The following TEX36 variants were observed in gnomAD, a reference collection of about 807,000 sequenced individuals.
TEX36 encodes the protein testis expressed 36, also known as testis-expressed protein 36.
In TEX36, 12 loss-of-function variants were observed where a neutral mutation model predicts 13.6. The ratio of observed to expected loss-of-function variants is 0.88; its 90% CI spans 0.56 to 1.43. TEX36 has a LOEUF of 1.43. Among genes scored for constraint, TEX36 ranks in the 40% most tolerant of loss-of-function variants. The probability of loss-of-function intolerance (pLI) is 0.00; values close to 1 mark genes in which losing one functional copy is unlikely to be tolerated. For synonymous variants in TEX36, 93 were observed against 83.0 expected, an observed-to-expected ratio of 1.12 and a Z score of -0.65; for missense variants, 224 against 228.3, an observed-to-expected ratio of 0.98 and a Z score of 0.12.
At chr10:125,593,618 T>C (rs1316264456) in intron 3 of TEX36, among the ~76,000 whole-genome samples, 1 of 152,246 alleles carries the variant, frequency 6.6e-6, no homozygotes, top group African/African-American at 2.4e-5. Context: ...GGTTAGCTCT[T>C]ATTAAATGTT....
intron 1 of TEX36, among the ~76,000 whole-genome samples, chr10:125,662,874 G>T (rs1299515541): frequency 6.6e-6 from 1 of 152,188 alleles, no homozygotes; most frequent in Non-Finnish European, 1.5e-5. Context: ...GGGGGGTGTG[G>T]CTAGCTCTTA....
At chr10:125,674,588 C>T (rs1410547075) in intron 1 of TEX36, among the ~76,000 whole-genome samples, 1 of 152,180 alleles carries the variant, frequency 6.6e-6, no homozygotes, top group African/African-American at 2.4e-5. Flanking sequence ...AGGCTGCTGA[C>T]CTTTGGATGG....
intron 3 of TEX36, among the ~76,000 whole-genome samples, chr10:125,657,803 A>G (rs1013595461): frequency 6.6e-6 from 1 of 152,202 alleles, no homozygotes; most frequent in African/African-American, 2.4e-5. Context: ...CAGCCCTGGA[A>G]CAGGAAGTGA....
rs1846203029 is a variant in TEX36, at chr10:125,605,379, C to G, written c.265-28505G>C. On this transcript the variant is annotated intron_variant, in intron 3 of 3. Coordinates refer to the TEX36 transcript ENST00000532135. Reference sequence around the variant, plus strand: ...GTTAATCTCCATACACAGCATAGTGCAGCAATGTGGTCAGTTAATCTCCAC... The same window carrying G: ...GTTAATCTCCATACACAGCATAGTGGAGCAATGTGGTCAGTTAATCTCCAC... Among the ~76,000 whole-genome samples, 5 of 151,912 alleles carry G rather than the reference C, an allele frequency of 3.3e-5. No individual in the cohort carries two copies. In the South Asian group the frequency reaches 1.0e-3, roughly 32 times the overall value.
chr10:125,584,277 C>A (rs1386645309), intron 3 of TEX36, among the ~76,000 whole-genome samples: 1 of 152,238 alleles, frequency 6.6e-6, no homozygotes, highest in Non-Finnish European at 1.5e-5. Flanking sequence ...AAACTGTCCA[C>A]AAATAAAATG....
chr10:125,649,474 C>T (rs1210226642), intron 3 of TEX36, among the ~76,000 whole-genome samples: 1 of 152,212 alleles, frequency 6.6e-6, no homozygotes, highest in Non-Finnish European at 1.5e-5. Flanking sequence ...CACCACCAGG[C>T]CTGCCTTACA....
At chr10:125,636,372 A>ATT (rs1173411320) in intron 3 of TEX36, among the ~76,000 whole-genome samples, 8,323 of 142,592 alleles carry the variant, frequency 0.058, 751 homozygotes, top group African/African-American at 0.2. Context: ...CACCCGGCTA[A>ATT]TTTTTTTTTT....
chr10:125,619,016 G>T (rs988239034), downstream of TEX36, among the ~76,000 whole-genome samples: 2 of 148,458 alleles, frequency 1.3e-5, no homozygotes, highest in African/African-American at 5.0e-5. Flanking sequence ...TGTAGTCTCA[G>T]CTACTTGGGA....
chr10:125,683,118 C>G lies in TEX36; in HGVS notation c.-129G>C. 9.4e-7 allele frequency: 1 copy of G among 1,068,650 alleles called. No homozygotes were observed. The highest frequency in any genetic ancestry group is 1.4e-6 in the Non-Finnish European group (1 of 711,876). 66.2% of individuals were successfully genotyped at this position (1,068,650 alleles called of 1,614,324 possible). ...TGGGAAGCTCCTCCTCCTCCTTGTT[C>G]CTGATCTTTACTTCTCAGCCTCTTC... On this transcript the variant is annotated 5_prime_UTR_variant, in exon 1 of 4. Coordinates refer to ENST00000368821, the MANE Select transcript of TEX36 (RefSeq NM_001128202.3).
At chr10:125,608,042 G>A (rs74162833) in intron 3 of TEX36, among the ~76,000 whole-genome samples, 4 of 152,274 alleles carry the variant, frequency 2.6e-5, no homozygotes, top group African/African-American at 9.6e-5. Context: ...TACGGTCAAC[G>A]AGTCACACAG....
chr10:125,676,785 T>C (rs1847320172), intron 1 of TEX36, among the ~76,000 whole-genome samples: 1 of 152,164 alleles, frequency 6.6e-6, no homozygotes, highest in East Asian at 1.9e-4. Flanking sequence ...CTTTGTGTGA[T>C]TGTTCTACGA....
rs878979022 is a variant in TEX36 at position 125,667,873 on chromosome 10, C to T, written c.52-5896G>A. ...CATCTGCAGCCAGGATGCCCTTGCC[C>T]AGTGCCACGATGCGGTGAGCGATGT... On this transcript the variant is annotated intron_variant, in intron 1 of 3. Transcript: ENST00000368821. The T allele has an allele frequency of 1.3e-4, 198 of 1,518,912 alleles. 1 individual carries two copies. Among genetic ancestry groups the T allele is most frequent in the Non-Finnish European group, 1.7e-4 (187 of 1,098,998 alleles). 94.1% of individuals were successfully genotyped at this position (1,518,912 alleles called of 1,614,324 possible).
chr10:125,595,935 C>T (rs1434319463), intron 3 of TEX36, among the ~76,000 whole-genome samples: 1 of 152,186 alleles, frequency 6.6e-6, no homozygotes, highest in South Asian at 2.1e-4. Context: ...GTGCCTGACA[C>T]ATTGCTGATG....
chr10:125,645,823 G>A (rs1379988836), intron 3 of TEX36, among the ~76,000 whole-genome samples: 1 of 152,046 alleles, frequency 6.6e-6, no homozygotes, highest in Non-Finnish European at 1.5e-5. Flanking sequence ...TATGTAAAAG[G>A]GAGATTGTAT....
chr10:125,604,596 A>T (rs1465092877), intron 3 of TEX36, among the ~76,000 whole-genome samples: 1 of 152,110 alleles, frequency 6.6e-6, no homozygotes. Flanking sequence ...GGCAGATCAC[A>T]AGGTCAAGAG....
At chr10:125,585,362 C>A (rs973853941) in intron 3 of TEX36, among the ~76,000 whole-genome samples, 6 of 152,160 alleles carry the variant, frequency 3.9e-5, no homozygotes, top group Admixed American at 1.3e-4. Flanking sequence ...GAAGACAATA[C>A]CCCAAAGTAT....
At chr10:125,596,750 A>G (rs1231334628) in intron 3 of TEX36, among the ~76,000 whole-genome samples, 8 of 152,328 alleles carry the variant, frequency 5.3e-5, no homozygotes, top group Middle Eastern at 6.8e-3. Flanking sequence ...TGCATGAGAA[A>G]TCAGCAGATA....
At chr10:125,660,814 C>T (rs139882531) in intron 3 of TEX36, among the ~76,000 whole-genome samples, 24 of 152,218 alleles carry the variant, frequency 1.6e-4, no homozygotes, top group African/African-American at 5.5e-4. Flanking sequence ...CTAGGCAGAA[C>T]ACTGGTGTAG....
In TEX36 at chr10:125,669,919, G is replaced by A. The variant is rs188279104; in HGVS notation, c.52-7942C>T. Among the ~76,000 whole-genome samples, 47 of 152,312 alleles carry A rather than the reference G, an allele frequency of 3.1e-4. 2 individuals are homozygous for A. In the East Asian group the frequency reaches 8.5e-3, roughly 27 times the overall value. On this transcript the variant is annotated intron_variant, in intron 1 of 3. Transcript: ENST00000368821. ...CCAGCTCCATCCAGATTCCTGCAAA[G>A]GACATGATCTCATTCCTTTTTATGG...
Sources: gnomAD v4.1 joint callset for allele counts (sites outside exome capture counted in the v4.1 genomes callset) on GRCh38, gnomAD v4.1.1 for gene constraint, MANE v1.5 for transcripts, NCBI Gene and HGNC (gene_info 2026-07-23, HGNC 2026-07-21) for gene names.